The following RPN2 variants were observed in gnomAD, a reference collection of about 807,000 sequenced individuals.
The protein encoded by RPN2 is dolichyl-diphosphooligosaccharide--protein glycosyltransferase subunit 2.
A neutral mutation model predicts 71.4 loss-of-function variants in RPN2; 29 were observed. The ratio of observed to expected loss-of-function variants is 0.41; its 90% CI spans 0.30 to 0.55. RPN2 has a LOEUF of 0.55. RPN2 is among the 20% of genes least tolerant of loss of function. The probability of loss-of-function intolerance (pLI) is 0.35; values close to 1 mark genes in which losing one functional copy is unlikely to be tolerated. For synonymous variants in RPN2, 308 were observed against 305.0 expected (o/e 1.01, Z -0.10); for missense variants, 726 against 774.1 (o/e 0.94, Z 0.74).
chr20:37,201,892 C>A (rs2146575943), intron 4 of RPN2, among the ~76,000 whole-genome samples: 1 of 152,278 alleles, frequency 6.6e-6, no homozygotes, highest in Middle Eastern at 3.4e-3. Context: ...TTTGAATGAA[C>A]CACCTGAGAA....
chr20:37,199,956 C>T (rs769216623), intron 4 of RPN2, among the ~76,000 whole-genome samples: 16 of 151,860 alleles, frequency 1.1e-4, no homozygotes, highest in Admixed American at 6.6e-4. Flanking sequence ...CTCAGCCTCC[C>T]GAGTAGCTGG....
intron 2 of RPN2, among the ~76,000 whole-genome samples, chr20:37,188,283 C>T (rs755646770): frequency 1.2e-4 from 18 of 151,916 alleles, no homozygotes; most frequent in Non-Finnish European, 2.1e-4. Context: ...ATTCCCCTGC[C>T]TCAGCCTCCT....
Position 37,234,972 on chromosome 20 carries a change from G to A in RPN2, c.1753+877G>A, listed in dbSNP as rs926958173. On this transcript the variant is annotated intron_variant, in intron 15 of 16. Coordinates refer to ENST00000237530, the MANE Select transcript of RPN2 (RefSeq NM_002951.5). Reference sequence around the variant, plus strand: ...TAGGATTATAGGTGTGAGCCACCACGCCTGGCCTGACCTTAATATTTTTAA... The same window carrying A: ...TAGGATTATAGGTGTGAGCCACCACACCTGGCCTGACCTTAATATTTTTAA... Among the ~76,000 whole-genome samples, 4 of 152,078 alleles carry A rather than the reference G, an allele frequency of 2.6e-5. 1 individual carries two copies. Among genetic ancestry groups the A allele is most frequent in the South Asian group, 4.1e-4 (2 of 4,828 alleles).
intron 13 of RPN2, 129 bp from the exon 14 acceptor site, chr20:37,232,167 C>T (rs2068265479): frequency 8.7e-7 from 1 of 1,143,390 alleles, no homozygotes; most frequent in Non-Finnish European, 1.3e-6. Flanking sequence ...CACTTGTTGC[C>T]AAGAGGTTTT....
intron 4 of RPN2, among the ~76,000 whole-genome samples, chr20:37,201,613 C>A (rs758405844): frequency 1.3e-5 from 2 of 152,212 alleles, no homozygotes; most frequent in Non-Finnish European, 2.9e-5. Flanking sequence ...CAAATCCATT[C>A]TTCTACTCAA....
At chr20:37,196,123 G>A (rs1181226589) in intron 2 of RPN2, among the ~76,000 whole-genome samples, 1 of 151,812 alleles carries the variant, frequency 6.6e-6, no homozygotes, top group Non-Finnish European at 1.5e-5. Context: ...GCAGTGGCAC[G>A]ATCTCGGCTC....
chr20:37,199,642 T>C (rs2067335790), intron 4 of RPN2, among the ~76,000 whole-genome samples: 1 of 152,134 alleles, frequency 6.6e-6, no homozygotes, highest in Non-Finnish European at 1.5e-5. Flanking sequence ...TCAGGATCCC[T>C]GGAAGTTGTG....
At chr20:37,210,495 A>G (rs991018886) in intron 8 of RPN2, among the ~76,000 whole-genome samples, 25 of 151,514 alleles carry the variant, frequency 1.7e-4, no homozygotes, top group Non-Finnish European at 2.5e-4. Context: ...TAACTTACCC[A>G]TAATGCTACC....
In RPN2 at chr20:37,236,713, A is replaced by G; in HGVS notation, c.1883+4A>G. 2 of 1,614,020 alleles carry G rather than the reference A, an allele frequency of 1.2e-6. No homozygotes were observed. Among genetic ancestry groups the G allele is most frequent in the Non-Finnish European group, 1.7e-6 (2 of 1,179,900 alleles). ...TGGCCCAGCAGGCAGTCAAGAGGTA[A>G]GGCCAGACATGAGCCAGGGATCTAG... On this transcript the variant is annotated splice_donor_region_variant and intron_variant, in intron 16 of 16. Coordinates refer to ENST00000237530, the MANE Select transcript of RPN2 (RefSeq NM_002951.5).
intron 2 of RPN2, among the ~76,000 whole-genome samples, chr20:37,196,322 G>A (rs528777215): frequency 1.1e-4 from 17 of 151,978 alleles, no homozygotes; most frequent in South Asian, 2.1e-4. Flanking sequence ...TCTGCCTCCC[G>A]GGTTCACATC....
At position 37,184,271 on chromosome 20, in the gene RPN2, G is replaced by A; in HGVS notation, c.105G>A (p.Glu35=). ...ACTACCTCACCAAGCATGACGTGGA[G>A]AGACTAAAAGCCTCGCTGGATCGCC... ...PTHYLTKHDV[E]RLKASLDRPF... is the part of the protein sequence containing the mutation. The change falls in exon 2 of 17, where the codon GAG becomes GAA. Residue 35 remains glutamate, a synonymous_variant. Transcript: ENST00000237530. 1.2e-6 allele frequency: 2 copies of A among 1,614,194 alleles called. No individual in the cohort carries two copies. The highest frequency in any genetic ancestry group is 1.7e-6 in the Non-Finnish European group (2 of 1,180,046).
intron 15 of RPN2, among the ~76,000 whole-genome samples, chr20:37,235,983 G>C (rs1167168908): frequency 6.6e-6 from 1 of 152,084 alleles, no homozygotes; most frequent in African/African-American, 2.4e-5. Flanking sequence ...TTAAGAATTT[G>C]AAAAATGAAT....
At chr20:37,227,614 A>G (rs918773762) in intron 11 of RPN2, among the ~76,000 whole-genome samples, 14 of 152,360 alleles carry the variant, frequency 9.2e-5, no homozygotes, top group African/African-American at 3.4e-4. Flanking sequence ...CTGTAGATAC[A>G]GTGCTGGCTC....
chr20:37,228,896 T>C, intron 12 of RPN2, 152 bp downstream of exon 12: 1 of 719,556 alleles, frequency 1.4e-6, no homozygotes, highest in Non-Finnish European at 2.4e-6. Context: ...GCAGTCTCCA[T>C]AAATAGTCCT....
At chr20:37,223,792 T>G (rs1417429828) in intron 9 of RPN2, 86 bp from the exon 10 acceptor site, 4 of 1,133,924 alleles carry the variant, frequency 3.5e-6, no homozygotes, top group Non-Finnish European at 5.3e-6. Flanking sequence ...TTACTCACCT[T>G]AAAGAATAGA....
rs61731019 is a variant in RPN2, at chr20:37,229,979, G to T, written c.1501G>T (p.Val501Leu). 2,461 of 1,613,696 alleles carry T rather than the reference G, an allele frequency of 1.5e-3. 39 individuals carry two copies. In the African/African-American group the frequency reaches 0.029, roughly 19 times the overall value. Residue 501 changes from valine to leucine, a missense_variant, in exon 13 of 17, where the codon GTG becomes TTG. Coordinates refer to ENST00000237530, the MANE Select transcript of RPN2 (RefSeq NM_002951.5). Reference protein sequence around the residue: ...KNPILWNVADVVIKFPEEEAP... With the variant: ...KNPILWNVADLVIKFPEEEAP... Reference sequence around the variant, plus strand: ...ACTGTCCTTATTTTTCTAGGCTGATGTGGTCATCAAGTTCCCTGAGGAAGA... The same window carrying T: ...ACTGTCCTTATTTTTCTAGGCTGATTTGGTCATCAAGTTCCCTGAGGAAGA...
At chr20:37,190,213 A>G (rs2067111668) in intron 2 of RPN2, among the ~76,000 whole-genome samples, 1 of 152,194 alleles carries the variant, frequency 6.6e-6, no homozygotes, top group Admixed American at 6.5e-5. Flanking sequence ...TAGGAGATTT[A>G]GGTTGAACAC....
chr20:37,200,422 C>T (rs756205025), intron 4 of RPN2: 2 of 518,278 alleles, frequency 3.9e-6, no homozygotes, highest in Admixed American at 4.1e-5. Flanking sequence ...TATTTGTGTT[C>T]ACCGTTTCAC....
At position 37,207,386 on chromosome 20, in the gene RPN2, C is replaced by T. The variant is rs143814648; in HGVS notation, c.804C>T (p.His268=). ...CTGTGCTCTCGCATAATCGCTACCA[C>T]GTGCCAGTTGTGGTTGTGCCTGAGG... is the stretch of plus-strand genomic sequence containing the variant. The part of the protein sequence containing the change: ...AAAVLSHNRY[H]VPVVVVPEGS... Residue 268 remains histidine, a synonymous_variant, in exon 7 of 17, where the codon CAC becomes CAT. Coordinates refer to ENST00000237530, the MANE Select transcript of RPN2 (RefSeq NM_002951.5). 8.8e-5 allele frequency: 142 copies of T among 1,614,056 alleles called. No individual in the cohort carries two copies. The highest frequency in any genetic ancestry group is 1.1e-4 in the Non-Finnish European group (132 of 1,179,984).
Sources: allele counts gnomAD v4.1 joint callset (sites outside exome capture counted in the v4.1 genomes callset), GRCh38; gene constraint gnomAD v4.1.1; transcripts MANE v1.5; gene names NCBI Gene and HGNC (gene_info 2026-07-23, HGNC 2026-07-21).